Variants in STX11 observed in about 807,000 individuals in gnomAD.
STX11 encodes syntaxin 11, also known as syntaxin-11.
In STX11, 21 loss-of-function variants were observed where a neutral mutation model predicts 19.9. That is an observed-to-expected ratio of 1.06 (90% CI 0.75 to 1.52). The LOEUF (loss-of-function observed/expected upper bound fraction) is 1.52. Ranked by LOEUF, STX11 falls within the 40% of genes most tolerant of loss-of-function variation. STX11 has a pLI of 0.00. For missense variants in STX11, 438 were observed against 405.9 expected (o/e 1.08, Z -0.68); for synonymous variants, 193 against 174.4 (o/e 1.11, Z -0.84).
rs138719850 is a variant in STX11, at chr6:144,180,641, G to A, written c.-5-5982G>A. Among the ~76,000 whole-genome samples the A allele has an allele frequency of 6.8e-3, 1,040 of 152,242 alleles. 8 individuals are homozygous for A. Among genetic ancestry groups the A allele is most frequent in the Middle Eastern group, 0.034 (10 of 294 alleles). Reference sequence around the variant, plus strand: ...CCTCCCCAGCCATGTGGTACTATAAGTCCAATTAAACCTCTTTTCTTCCCA... The same window carrying A: ...CCTCCCCAGCCATGTGGTACTATAAATCCAATTAAACCTCTTTTCTTCCCA... On this transcript the variant is annotated intron_variant, in intron 1 of 1. Transcript: ENST00000367568. The surrounding 1 kb of genome is among the most constrained non-coding windows in gnomAD (Gnocchi z 5.3).
Position 144,151,326 on chromosome 6 carries a change from T to C in STX11, c.-6+623T>C. The C allele has an allele frequency of 1.0e-6, 1 of 980,336 alleles. No homozygotes were observed. The highest frequency in any genetic ancestry group is 1.2e-6 in the Non-Finnish European group (1 of 825,312). 60.7% of individuals were successfully genotyped at this position (980,336 alleles called of 1,614,324 possible). On this transcript the variant is annotated intron_variant, in intron 1 of 1. Coordinates refer to ENST00000367568, the MANE Select transcript of STX11 (RefSeq NM_003764.4). This position sits in a 1 kb window ranked among gnomAD's most constrained non-coding sequence, Gnocchi z 4.6. ...TTTTCTAGACTCCGCTGACACCAGCTGAGATCTGTATTACTTCCTGTGGTT... is the reference window on the plus strand; with the variant it reads ...TTTTCTAGACTCCGCTGACACCAGCCGAGATCTGTATTACTTCCTGTGGTT...
At chr6:144,150,512 C>T (rs1010433794), upstream of STX11, 2 of 985,222 alleles carry the variant, frequency 2.0e-6, no homozygotes, top group East Asian at 2.3e-4. Context: ...GAGCCGGCGG[C>T]GCCCAGATGC....
At position 144,165,682 on chromosome 6, in the gene STX11, A is replaced by C. The variant is rs1584030426; in HGVS notation, c.-6+14979A>C. The stretch of plus-strand genomic sequence containing the variant: ...AATCATTTTAGATCGTATCATCTGC[A>C]CATGCTTCCAAAGGAGTGGTACTTA... On this transcript the variant is annotated intron_variant, in intron 1 of 1. Transcript: ENST00000367568. This position sits in a 1 kb window ranked among gnomAD's most constrained non-coding sequence, Gnocchi z 5.8. Among the ~76,000 whole-genome samples the C allele has an allele frequency of 6.6e-6, 1 of 152,340 alleles. No homozygotes were observed. Among genetic ancestry groups the C allele is most frequent in the East Asian group, 1.9e-4 (1 of 5,186 alleles).
the STX11 span, among the ~76,000 whole-genome samples, chr6:144,142,733 G>A: frequency 1.3e-5 from 2 of 152,218 alleles, no homozygotes; most frequent in Non-Finnish European, 2.9e-5. Context: ...CAGATGCTGG[G>A]AAGGTTGTGT....
chr6:144,174,478 T>A lies in STX11; in HGVS notation c.-5-12145T>A, dbSNP rs905429010. 7.2e-5 allele frequency among the ~76,000 whole-genome samples: 11 copies of A among 152,112 alleles called. No individual in the cohort carries two copies. Among genetic ancestry groups the A allele is most frequent in the Non-Finnish European group, 5.9e-5 (4 of 68,016 alleles). On this transcript the variant is annotated intron_variant, in intron 1 of 1. Coordinates refer to ENST00000367568, the MANE Select transcript of STX11 (RefSeq NM_003764.4). The surrounding 1 kb of genome is among the most constrained non-coding windows in gnomAD (Gnocchi z 5.3). ...TCTGCATCCCAGGTTCAAGCGATCTTCCAGCCTTAGCCTCCCGAGTAGCTG... is the reference window on the plus strand; with the variant it reads ...TCTGCATCCCAGGTTCAAGCGATCTACCAGCCTTAGCCTCCCGAGTAGCTG...
the STX11 span, among the ~76,000 whole-genome samples, chr6:144,140,214 ATATATATATATAT>A: frequency 0.017 from 1,489 of 85,114 alleles, 41 homozygotes; most frequent in African/African-American, 0.034. Flanking sequence ...ATTCACATAT[ATATATATATATAT>A]ATATATATAT....
At position 144,188,362 on chromosome 6, in the gene STX11, A is replaced by T. The variant is rs1802120333; in HGVS notation, c.*871A>T. On this transcript the variant is annotated 3_prime_UTR_variant, in exon 2 of 2. Coordinates refer to ENST00000367568, the MANE Select transcript of STX11 (RefSeq NM_003764.4). ...GTAAGTATGGTATATAAATTTCAAG[A>T]CGAACACTTTTCTGGCTCTTGGTAT... 4.4e-6 allele frequency: 1 copy of T among 229,538 alleles called. No individual in the cohort carries two copies. Among genetic ancestry groups the T allele is most frequent in the African/African-American group, 2.3e-5 (1 of 44,288 alleles). 14.2% of individuals were successfully genotyped at this position (229,538 alleles called of 1,614,324 possible). A position where few individuals can be genotyped will look rare whatever the true frequency, so the allele number is the denominator to read the frequency against.
chr6:144,188,657 A>AT lies in STX11; in HGVS notation c.*1171dup, dbSNP rs963100055. On this transcript the variant is annotated 3_prime_UTR_variant, in exon 2 of 2. Transcript: ENST00000367568. The stretch of plus-strand genomic sequence containing the variant: ...TTAATAAACATTACATTATACACAT[A>AT]TTTTTATACATTTCTGGCTTGACCA... Among the ~76,000 whole-genome samples, 3 of 150,386 alleles carry AT rather than the reference A, an allele frequency of 2.0e-5. No individual in the cohort carries two copies. The highest frequency in any genetic ancestry group is 6.6e-5 in the Admixed American group (1 of 15,118).
rs1367226146 is a variant in STX11, at chr6:144,181,717, G to A, written c.-5-4906G>A. 2.0e-5 allele frequency among the ~76,000 whole-genome samples: 3 copies of A among 151,670 alleles called. No individual in the cohort carries two copies. In the East Asian group the frequency reaches 5.8e-4, roughly 29 times the overall value. ...GCCTACCGAATCAGAAACTCTAGGT[G>A]CCCAGGCATCTGTAATCTTTGAAGC... On this transcript the variant is annotated intron_variant, in intron 1 of 1. Transcript: ENST00000367568.
In STX11 at chr6:144,150,689, T is replaced by C. The variant is rs1281789764; in HGVS notation, c.-20T>C. 2 of 983,622 alleles carry C rather than the reference T, an allele frequency of 2.0e-6. No individual in the cohort carries two copies. The highest frequency in any genetic ancestry group is 5.2e-4 in the Middle Eastern group (1 of 1,932). The allele number at this position is 983,622 out of a possible 1,614,324, so 60.9% of individuals were successfully genotyped here. A position where few individuals can be genotyped will look rare whatever the true frequency, so the allele number is the denominator to read the frequency against. On this transcript the variant is annotated 5_prime_UTR_variant, in exon 1 of 2. Transcript: ENST00000367568. ...GAGAGGGGCTTCTCGGTTCGCACTC[T>C]CGCTCCCAGTCCAGGTTTGTTTTTC... is the stretch of plus-strand genomic sequence containing the variant.
chr6:144,172,458 T>G lies in STX11; in HGVS notation c.-5-14165T>G, dbSNP rs577971689. ...TAGTGCTGTTGAAGCCTCTGCTTGC[T>G]CCATGTTTCCTCCCATCCTCTTGGT... On this transcript the variant is annotated intron_variant, in intron 1 of 1. Coordinates refer to ENST00000367568, the MANE Select transcript of STX11 (RefSeq NM_003764.4). This position sits in a 1 kb window ranked among gnomAD's most constrained non-coding sequence, Gnocchi z 4.2. 7.2e-5 allele frequency among the ~76,000 whole-genome samples: 11 copies of G among 152,266 alleles called. No individual in the cohort carries two copies. The highest frequency in any genetic ancestry group is 2.4e-4 in the African/African-American group (10 of 41,538).
chr6:144,158,563 T>A (rs967427351), intron 1 of STX11, among the ~76,000 whole-genome samples: 2 of 151,964 alleles, frequency 1.3e-5, no homozygotes, highest in Non-Finnish European at 2.9e-5. Flanking sequence ...TTAATAATTG[T>A]CTAATAAGAT....
chr6:144,186,542 A>G, intron 1 of STX11, 81 bp from the exon 2 acceptor site: 2 of 1,587,948 alleles, frequency 1.3e-6, no homozygotes, highest in South Asian at 2.2e-5. Flanking sequence ...ACTGCTGAGT[A>G]AAATGTTTAA....
upstream of STX11, among the ~76,000 whole-genome samples, chr6:144,150,188 G>A (rs1323238799): frequency 6.6e-6 from 1 of 152,252 alleles, no homozygotes; most frequent in Non-Finnish European, 1.5e-5. Flanking sequence ...GACTGCAAAT[G>A]TCACCAGCGC....
At chr6:144,173,717 T>A (rs1232458409) in intron 1 of STX11, among the ~76,000 whole-genome samples, 1 of 152,254 alleles carries the variant, frequency 6.6e-6, no homozygotes, top group Non-Finnish European at 1.5e-5. Context: ...TAGGCAACAG[T>A]GTTGCCAAGT....
In STX11 at chr6:144,152,477, G is replaced by T. The variant is rs896900829; in HGVS notation, c.-6+1774G>T. Among the ~76,000 whole-genome samples, 6 of 152,094 alleles carry T rather than the reference G, an allele frequency of 3.9e-5. No homozygotes were observed. Among genetic ancestry groups the T allele is most frequent in the Non-Finnish European group, 7.4e-5 (5 of 68,006 alleles). On this transcript the variant is annotated intron_variant, in intron 1 of 1. Coordinates refer to ENST00000367568, the MANE Select transcript of STX11 (RefSeq NM_003764.4). This position sits in a 1 kb window ranked among gnomAD's most constrained non-coding sequence, Gnocchi z 4.9. ...ATTTAAAAATGTATGAATTTGAAAG[G>T]TATGGTTTTTAAAGTGCTTGAATGA...
At chr6:144,157,783 A>G (rs544744071) in intron 1 of STX11, among the ~76,000 whole-genome samples, 2 of 152,300 alleles carry the variant, frequency 1.3e-5, no homozygotes, top group African/African-American at 4.8e-5. Flanking sequence ...GAACAAAAGC[A>G]TAACACACAC....
chr6:144,182,751 C>T lies in STX11; in HGVS notation c.-5-3872C>T, dbSNP rs187912220. On this transcript the variant is annotated intron_variant, in intron 1 of 1. Coordinates refer to ENST00000367568, the MANE Select transcript of STX11 (RefSeq NM_003764.4). This position sits in a 1 kb window ranked among gnomAD's most constrained non-coding sequence, Gnocchi z 4.8. ...GATACATACAAATGATCCCTAGTGTCCCAGGGCGTGGTACAGTCCCTTATC... is the reference window on the plus strand; with the variant it reads ...GATACATACAAATGATCCCTAGTGTTCCAGGGCGTGGTACAGTCCCTTATC... Among the ~76,000 whole-genome samples, 1,157 of 152,278 alleles carry T rather than the reference C, an allele frequency of 7.6e-3. 5 individuals are homozygous for T. The highest frequency in any genetic ancestry group is 0.017 in the Middle Eastern group (5 of 294).
At position 144,151,914 on chromosome 6, in the gene STX11, C is replaced by T. The variant is rs950262654; in HGVS notation, c.-6+1211C>T. Among the ~76,000 whole-genome samples the T allele has an allele frequency of 6.6e-6, 1 of 152,134 alleles. No individual in the cohort carries two copies. The highest frequency in any genetic ancestry group is 6.5e-5 in the Admixed American group (1 of 15,274). ...GGTAACAGCCCTTAGGAAGGGACTG[C>T]ACACTATCTCAACACGGTAGAGAAG... On this transcript the variant is annotated intron_variant, in intron 1 of 1. Coordinates refer to ENST00000367568, the MANE Select transcript of STX11 (RefSeq NM_003764.4). This position sits in a 1 kb window ranked among gnomAD's most constrained non-coding sequence, Gnocchi z 4.6.
Sources: allele counts gnomAD v4.1 joint callset (sites outside exome capture counted in the v4.1 genomes callset), GRCh38; gene constraint gnomAD v4.1.1; non-coding constraint Gnocchi (gnomAD v3.1); transcripts MANE v1.5; gene names NCBI Gene and HGNC (gene_info 2026-07-23, HGNC 2026-07-21).